The following GRM4 variants were observed in gnomAD, a reference collection of about 807,000 sequenced individuals.
GRM4 encodes the protein glutamate metabotropic receptor 4, also known as metabotropic glutamate receptor 4.
In GRM4, 28 loss-of-function variants were observed where a neutral mutation model predicts 81.7. That is an observed-to-expected ratio of 0.34 (90% CI 0.25 to 0.47). The LOEUF (loss-of-function observed/expected upper bound fraction) is 0.47, where lower values mean the gene tolerates loss of function less well. Ranked by LOEUF, GRM4 falls within the 20% of genes least tolerant of loss-of-function variation. GRM4 has a pLI of 1.00. For missense variants in GRM4, 948 were observed against 1,290.0 expected, an observed-to-expected ratio of 0.73 and a Z score of 4.06; for synonymous variants, 488 against 528.8, an observed-to-expected ratio of 0.92 and a Z score of 1.06.
chr6:34,030,258 G>A (rs1764347925), intron 9 of GRM4, among the ~76,000 whole-genome samples: 1 of 152,256 alleles, frequency 6.6e-6, no homozygotes, highest in South Asian at 2.1e-4. Context: ...GACAAGGTGT[G>A]TCTCCCTGAT....
chr6:34,072,162 C>CACACACAGACA (rs1766935474), intron 3 of GRM4, among the ~76,000 whole-genome samples: 1 of 48,792 alleles, frequency 2.0e-5, no homozygotes, highest in South Asian at 6.4e-4. Flanking sequence ...CCACACACAC[C>CACACACAGACA]CATACATCAC....
In GRM4 at chr6:34,036,811, C is replaced by G. The variant is rs868219484; in HGVS notation, c.1507-208G>C. 9.1e-4 allele frequency among the ~76,000 whole-genome samples: 139 copies of G among 152,212 alleles called. No homozygotes were observed. Among genetic ancestry groups the G allele is most frequent in the African/African-American group, 3.0e-3 (126 of 41,444 alleles). ...CCGGCATAACTCAGACATAATTGAC[C>G]TACAGGGAATCCTGACTGAACCCGA... On this transcript the variant is annotated intron_variant, in intron 8 of 10. Transcript: ENST00000538487. The surrounding 1 kb of genome is among the most constrained non-coding windows in gnomAD (Gnocchi z 9.0).
At chr6:34,075,038 G>A (rs971956769) in intron 3 of GRM4, among the ~76,000 whole-genome samples, 1 of 152,216 alleles carries the variant, frequency 6.6e-6, no homozygotes, top group African/African-American at 2.4e-5. Context: ...CCAACCAGGA[G>A]CCAGACCCAA....
chr6:34,110,553 T>C, intron 2 of GRM4: 1 of 589,056 alleles, frequency 1.7e-6, no homozygotes, highest in Non-Finnish European at 3.0e-6. Context: ...CTTCACACCA[T>C]CCACATCTCT....
chr6:34,148,980 G>A (rs1253908105), upstream of GRM4, among the ~76,000 whole-genome samples: 1 of 152,214 alleles, frequency 6.6e-6, no homozygotes, highest in Non-Finnish European at 1.5e-5. Flanking sequence ...GAGAGGCAGG[G>A]AGTTCTAGAG....
chr6:34,033,338 T>G (rs1764524870), intron 9 of GRM4, among the ~76,000 whole-genome samples: 1 of 151,372 alleles, frequency 6.6e-6, no homozygotes, highest in Non-Finnish European at 1.5e-5. Context: ...GGAAAAGAGG[T>G]GGGCACCTAC....
At chr6:34,045,134 C>T (rs9469690) in intron 6 of GRM4, among the ~76,000 whole-genome samples, 4 of 152,032 alleles carry the variant, frequency 2.6e-5, no homozygotes, top group Non-Finnish European at 5.9e-5. Flanking sequence ...ACTCCCCTGG[C>T]GGGGTAGCGG....
rs1181742113 is a variant in GRM4, at chr6:34,145,927, A to G, written c.-364+73T>C. 5 of 833,502 alleles carry G rather than the reference A, an allele frequency of 6.0e-6. No individual in the cohort carries two copies. In the South Asian group the frequency reaches 2.3e-4, roughly 38 times the overall value. The allele number at this position is 833,502 out of a possible 1,614,324, so 51.6% of individuals were successfully genotyped here. On this transcript the variant is annotated intron_variant, in intron 1 of 10. Transcript: ENST00000538487. ...CGCCCTGCTGGCAGCTCCCCCTTCC[A>G]CCACACCCCACCGGCGCCCTCTTCC...
At chr6:34,103,693 AC>A in intron 2 of GRM4, 1 of 1,533,920 alleles carries the variant, frequency 6.5e-7, no homozygotes, top group Non-Finnish European at 8.7e-7. Context: ...CCCAAGGGGC[AC>A]AGCCATGCCC....
At chr6:34,119,426 G>T (rs1441424412) in intron 2 of GRM4, among the ~76,000 whole-genome samples, 1 of 152,160 alleles carries the variant, frequency 6.6e-6, no homozygotes, top group Non-Finnish European at 1.5e-5. Context: ...AGTGAGTGAG[G>T]AAGTCCCTGA....
At position 34,089,248 on chromosome 6, in the gene GRM4, C is replaced by T. The variant is rs1565361; in HGVS notation, c.736+2635G>A. Among the ~76,000 whole-genome samples, 125,765 of 152,048 alleles carry T rather than the reference C, an allele frequency of 0.83. 52,217 individuals are homozygous for T. The highest frequency in any genetic ancestry group is 0.87 in the South Asian group (4,193 of 4,824). The stretch of plus-strand genomic sequence containing the variant: ...CACAGATGATTTATACTTCAGAGTA[C>T]GAATCAATACAATATACGGCCAAAG... On this transcript the variant is annotated intron_variant, in intron 3 of 10. Transcript: ENST00000538487. The surrounding 1 kb of genome is among the most constrained non-coding windows in gnomAD (Gnocchi z 4.3).
intron 9 of GRM4, among the ~76,000 whole-genome samples, chr6:34,032,140 C>T (rs1179958756): frequency 6.6e-6 from 1 of 152,172 alleles, no homozygotes; most frequent in East Asian, 1.9e-4. Flanking sequence ...GGCACATATG[C>T]TCAGCCTACA....
At chr6:34,096,421 C>T (rs917501306) in intron 2 of GRM4, among the ~76,000 whole-genome samples, 1 of 152,238 alleles carries the variant, frequency 6.6e-6, no homozygotes, top group Non-Finnish European at 1.5e-5. Flanking sequence ...TAGCCTCCCA[C>T]AGCACTGAAT....
intron 6 of GRM4, among the ~76,000 whole-genome samples, chr6:34,052,644 A>G (rs1765672907): frequency 6.6e-6 from 1 of 152,124 alleles, no homozygotes. Context: ...TAAAGAAGTG[A>G]GGGGGAAGCT....
Position 34,022,756 on chromosome 6 carries a change from C to T in GRM4, c.*65G>A, listed in dbSNP as rs1763941262. The T allele has an allele frequency of 1.4e-6, 2 of 1,429,154 alleles. No individual in the cohort carries two copies. The highest frequency in any genetic ancestry group is 1.7e-5 in the Admixed American group (1 of 59,680). 88.5% of individuals were successfully genotyped at this position (1,429,154 alleles called of 1,614,324 possible). On this transcript the variant is annotated 3_prime_UTR_variant, in exon 11 of 11. Transcript: ENST00000538487. This position sits in a 1 kb window ranked among gnomAD's most constrained non-coding sequence, Gnocchi z 5.6. ...AGACAGCTGGGCCCTTGGGTGTGGCCCTGGCCCGACGCACCTTCCACAGGG... is the reference window on the plus strand; with the variant it reads ...AGACAGCTGGGCCCTTGGGTGTGGCTCTGGCCCGACGCACCTTCCACAGGG...
In GRM4 at chr6:34,028,126, C is replaced by T; in HGVS notation, c.2683G>A (p.Ala895Thr). Residue 895 changes from alanine to threonine, a missense_variant, in exon 10 of 11, where the codon GCC becomes ACC. Physicochemically the swap from Ala to Thr is moderately conservative, Grantham distance 58 (BLOSUM62 0). Transcript: ENST00000538487. The stretch of plus-strand genomic sequence containing the variant: ...AACGGGGCCAGGCACTCACCTGGGG[C>T]CTCAAGGTTCTCGCAGAGCTCAGAC... ...AKSELCENLE[A>T]PALATKQTYV... The T allele has an allele frequency of 6.2e-7, 1 of 1,611,738 alleles. No homozygotes were observed. Among genetic ancestry groups the T allele is most frequent in the Non-Finnish European group, 8.5e-7 (1 of 1,178,780 alleles).
chr6:34,137,646 C>T (rs938919733), intron 1 of GRM4, among the ~76,000 whole-genome samples: 5 of 151,650 alleles, frequency 3.3e-5, no homozygotes, highest in Non-Finnish European at 7.4e-5. Context: ...TGCAGTGGTG[C>T]AATCACGACT....
intron 5 of GRM4, among the ~76,000 whole-genome samples, chr6:34,057,309 A>G (rs1765949598): frequency 6.6e-6 from 1 of 152,108 alleles, no homozygotes; most frequent in Admixed American, 6.5e-5. Context: ...TGACTGTTCT[A>G]GGCACTGTGG....
chr6:34,048,779 C>T lies in GRM4; in HGVS notation c.1168+7765G>A, dbSNP rs929545492. Among the ~76,000 whole-genome samples the T allele has an allele frequency of 3.9e-5, 6 of 152,056 alleles. No individual in the cohort carries two copies. The highest frequency in any genetic ancestry group is 1.9e-4 in the East Asian group (1 of 5,186). On this transcript the variant is annotated intron_variant, in intron 6 of 10. Coordinates refer to ENST00000538487, the MANE Select transcript of GRM4 (RefSeq NM_000841.4). The surrounding 1 kb of genome is among the most constrained non-coding windows in gnomAD (Gnocchi z 4.0). ...AGGGTTTAAAAGTGTGGCACTTCCC[C>T]TCTCGCCTTCTCTCTCCTGTTCCAC... is the stretch of plus-strand genomic sequence containing the variant.
Sources: gnomAD v4.1 joint callset for allele counts (sites outside exome capture counted in the v4.1 genomes callset) on GRCh38, gnomAD v4.1.1 for gene constraint, Gnocchi (gnomAD v3.1) non-coding constraint, MANE v1.5 for transcripts, NCBI Gene and HGNC (gene_info 2026-07-23, HGNC 2026-07-21) for gene names.